ITGA1: variants seen among roughly 807,000 people sequenced by gnomAD.
The protein encoded by ITGA1 is integrin subunit alpha 1.
A neutral mutation model predicts 145.9 loss-of-function variants in ITGA1; 85 were observed. The observed-to-expected ratio is 0.58, with a 90% CI of 0.49 to 0.70. The LOEUF is 0.70. ITGA1 is among the 30% of genes least tolerant of loss of function. The pLI, the probability that ITGA1 is intolerant of heterozygous loss-of-function variation, is 0.00. For missense variants in ITGA1, 1,351 were observed against 1,418.7 expected, an observed-to-expected ratio of 0.95 and a Z score of 0.77; for synonymous variants, 520 against 495.3, an observed-to-expected ratio of 1.05 and a Z score of -0.66.
chr5:52,855,581 G>A (rs141603790), intron 2 of ITGA1, among the ~76,000 whole-genome samples: 2 of 152,238 alleles, frequency 1.3e-5, no homozygotes, highest in African/African-American at 4.8e-5. Flanking sequence ...CTGGGGAATA[G>A]AGAACAAAAA....
rs1579736056 is a variant in ITGA1 at position 52,947,305 on chromosome 5, G to T, written c.3379-40G>T. The T allele has an allele frequency of 2.5e-6, 3 of 1,186,476 alleles. No homozygotes were observed. The East Asian group carries it at 7.0e-5, about 28-fold the overall frequency. The allele number at this position is 1,186,476 out of a possible 1,614,324, so 73.5% of individuals were successfully genotyped here. ...ACTCAATGTTCCAGGAGTTCTAATAGGTGTTTATTATGTTAACAATCTTGT... is the reference window on the plus strand; with the variant it reads ...ACTCAATGTTCCAGGAGTTCTAATATGTGTTTATTATGTTAACAATCTTGT... On this transcript the variant is annotated intron_variant, in intron 27 of 28. Transcript: ENST00000282588.
intron 1 of ITGA1, among the ~76,000 whole-genome samples, chr5:52,834,762 T>C (rs1306655742): frequency 4.6e-5 from 7 of 152,050 alleles, no homozygotes; most frequent in African/African-American, 1.7e-4. Flanking sequence ...TCTTTTATTA[T>C]AAGGACAATG....
At chr5:52,877,928 G>A (rs1461394728) in intron 6 of ITGA1, among the ~76,000 whole-genome samples, 1 of 152,172 alleles carries the variant, frequency 6.6e-6, no homozygotes. Flanking sequence ...CGATTCACAT[G>A]ATAGTGATAT....
At chr5:52,927,016 T>C (rs998354728) in intron 19 of ITGA1, among the ~76,000 whole-genome samples, 32 of 152,210 alleles carry the variant, frequency 2.1e-4, no homozygotes, top group African/African-American at 7.0e-4. Flanking sequence ...TTTTTACTTC[T>C]TATGGGTATG....
chr5:52,795,405 C>T (rs866261192), intron 1 of ITGA1, among the ~76,000 whole-genome samples: 12 of 152,014 alleles, frequency 7.9e-5, no homozygotes, highest in African/African-American at 2.6e-4. Flanking sequence ...ACAGCCCCGA[C>T]TGTTTAAGGG....
intron 13 of ITGA1, 48 bp downstream of exon 13, chr5:52,909,089 T>C: frequency 6.4e-7 from 1 of 1,554,804 alleles, no homozygotes; most frequent in East Asian, 2.3e-5. Flanking sequence ...CTCTTCCTTC[T>C]CTTCATTTTT....
intron 1 of ITGA1, among the ~76,000 whole-genome samples, chr5:52,817,334 T>C: frequency 6.6e-6 from 1 of 152,318 alleles, no homozygotes; most frequent in Non-Finnish European, 1.5e-5. Context: ...TACTAGCCAT[T>C]GTGAGCCTCA....
intron 11 of ITGA1, 36 bp downstream of exon 11, chr5:52,898,419 A>C (rs373581094): frequency 1.7e-5 from 26 of 1,531,788 alleles, no homozygotes; most frequent in Non-Finnish European, 2.2e-5. Context: ...GAGTTGTTTT[A>C]CTTTTCCATT....
chr5:52,909,690 T>TA (rs1346522007), intron 13 of ITGA1, among the ~76,000 whole-genome samples: 1 of 128,922 alleles, frequency 7.8e-6, no homozygotes, highest in African/African-American at 4.5e-5. Context: ...TCCTGTCAAC[T>TA]TTTTTTGTCC....
intron 1 of ITGA1, among the ~76,000 whole-genome samples, chr5:52,847,615 C>A (rs11956627): frequency 0.27 from 41,812 of 152,112 alleles, 6,042 homozygotes; most frequent in South Asian, 0.39. Flanking sequence ...TGCAGTGGCA[C>A]AATCTTGGCT....
At chr5:52,896,518 A>G (rs531162474) in intron 9 of ITGA1, among the ~76,000 whole-genome samples, 1 of 152,302 alleles carries the variant, frequency 6.6e-6, no homozygotes, top group East Asian at 1.9e-4. Context: ...TTTGTTCACA[A>G]TTTTATCCAT....
At chr5:52,817,635 G>C (rs563361307) in intron 1 of ITGA1, among the ~76,000 whole-genome samples, 1 of 152,212 alleles carries the variant, frequency 6.6e-6, no homozygotes, top group East Asian at 1.9e-4. Context: ...TTGTACTTTA[G>C]TGCACCAAAG....
chr5:52,939,987 A>G (rs1350181227), intron 26 of ITGA1, 43 bp downstream of exon 26: 1 of 1,045,858 alleles, frequency 9.6e-7, no homozygotes, highest in Admixed American at 1.7e-5. Flanking sequence ...AATAATATCA[A>G]TAAATATTCA....
rs1195785819 is a variant in ITGA1 at position 52,941,791 on chromosome 5, C to A, written c.3285+1847C>A. 3.3e-5 allele frequency among the ~76,000 whole-genome samples: 5 copies of A among 152,262 alleles called. No homozygotes were observed. In the East Asian group the frequency reaches 9.6e-4, roughly 29 times the overall value. ...AGCTCTTTAGTTTAATTAGATCCCA[C>A]TTGTCAATTTTTGTTTTTGTTGCAA... On this transcript the variant is annotated intron_variant, in intron 26 of 28. Coordinates refer to ENST00000282588, the MANE Select transcript of ITGA1 (RefSeq NM_181501.2).
intron 28 of ITGA1, 49 bp from the exon 29 acceptor site, chr5:52,952,358 A>C: frequency 1.0e-6 from 1 of 1,003,420 alleles, no homozygotes; most frequent in Non-Finnish European, 1.5e-6. Context: ...AATATTTGCT[A>C]CCTAAATTAA....
intron 24 of ITGA1, 88 bp downstream of exon 24, chr5:52,937,602 T>C (rs1750990149): frequency 5.0e-6 from 4 of 800,056 alleles, no homozygotes; most frequent in East Asian, 4.9e-5. Flanking sequence ...ATACTTGTAA[T>C]AAAGAATTTT....
At chr5:52,801,794 C>G in intron 1 of ITGA1, 2 of 1,613,472 alleles carry the variant, frequency 1.2e-6, no homozygotes, top group East Asian at 2.2e-5. Context: ...TTCCCTGTTC[C>G]CGAACTTTCT....
Position 52,952,616 on chromosome 5 carries a change from A to G in ITGA1, c.*165A>G. ...GACAGGTCATGCATTATCCAAAAAC[A>G]ATACCAAAAAGACATATTTTATAAA... On this transcript the variant is annotated 3_prime_UTR_variant, in exon 29 of 29. Transcript: ENST00000282588. The G allele has an allele frequency of 3.0e-6, 1 of 332,298 alleles. No homozygotes were observed. The highest frequency in any genetic ancestry group is 4.5e-5 in the East Asian group (1 of 22,156). 20.6% of individuals were successfully genotyped at this position (332,298 alleles called of 1,614,324 possible). A position where few individuals can be genotyped will look rare whatever the true frequency, so the allele number is the denominator to read the frequency against.
chr5:52,850,162 C>T (rs1046175631), intron 2 of ITGA1, among the ~76,000 whole-genome samples: 10 of 151,866 alleles, frequency 6.6e-5, no homozygotes, highest in South Asian at 4.2e-4. Flanking sequence ...CCACCATGCC[C>T]GGCTAATTTT....
Sources: allele counts gnomAD v4.1 joint callset (sites outside exome capture counted in the v4.1 genomes callset), GRCh38; gene constraint gnomAD v4.1.1; transcripts MANE v1.5; gene names NCBI Gene and HGNC (gene_info 2026-07-23, HGNC 2026-07-21).